Variants in INVS observed in about 807,000 individuals in gnomAD.
The protein encoded by INVS is inversin, also known as inversion of embryo turning homolog.
In INVS, 86 loss-of-function variants were observed where a neutral mutation model predicts 108.8. That is an observed-to-expected ratio of 0.79 (90% CI 0.66 to 0.95). INVS has a LOEUF of 0.95. Ranked by LOEUF, INVS falls within the 40% of genes least tolerant of loss-of-function variation. The pLI, the probability that INVS is intolerant of heterozygous loss-of-function variation, is 0.00. For synonymous variants in INVS, 455 were observed against 473.5 expected (o/e 0.96, Z 0.51); for missense variants, 1,169 against 1,297.4 (o/e 0.90, Z 1.52).
At chr9:100,189,365 G>A (rs949754601) in intron 3 of INVS, among the ~76,000 whole-genome samples, 29 of 148,258 alleles carry the variant, frequency 2.0e-4, no homozygotes, top group Middle Eastern at 3.4e-3. Flanking sequence ...TTTTGATTTA[G>A]GCATTTAGTG....
At position 100,129,740 on chromosome 9, in the gene INVS, G is replaced by A. The variant is rs768242254; in HGVS notation, c.273+3191G>A. On this transcript the variant is annotated intron_variant, in intron 3 of 16. Coordinates refer to ENST00000262457, the MANE Select transcript of INVS (RefSeq NM_014425.5). The stretch of plus-strand genomic sequence containing the variant: ...ACAATCATTCAAAGAAGAGAAACAC[G>A]TAAAGTGAGTACCACATTCATCCTG... The A allele has an allele frequency of 4.4e-5, 31 of 696,984 alleles. 1 individual carries two copies. Among genetic ancestry groups the A allele is most frequent in the South Asian group, 3.9e-4 (25 of 64,396 alleles). The allele number at this position is 696,984 out of a possible 1,614,324, so 43.2% of individuals were successfully genotyped here.
chr9:100,226,242 G>T lies in INVS; in HGVS notation c.447+7G>T, dbSNP rs1340747928. The T allele has an allele frequency of 1.2e-6, 2 of 1,612,332 alleles. No individual in the cohort carries two copies. The highest frequency in any genetic ancestry group is 8.5e-7 in the Non-Finnish European group (1 of 1,178,958). ...TACACAGGATAAAAACAAGGTAATG[G>T]ATACTCAAAATCAAAGACTAATAAG... On this transcript the variant is annotated splice_region_variant and intron_variant, in intron 4 of 16. Transcript: ENST00000262457.
At chr9:100,170,347 A>G (rs1282007136) in intron 3 of INVS, among the ~76,000 whole-genome samples, 7 of 150,904 alleles carry the variant, frequency 4.6e-5, no homozygotes, top group Non-Finnish European at 1.0e-4. Flanking sequence ...AGTTGAGCCC[A>G]GGAGTTTGAG....
intron 2 of INVS, among the ~76,000 whole-genome samples, chr9:100,118,745 C>G (rs1827631897): frequency 6.6e-6 from 1 of 152,074 alleles, no homozygotes. Context: ...ACTGCAACCT[C>G]TGCCTCCCAG....
chr9:100,116,864 T>A, intron 2 of INVS: 1 of 1,265,380 alleles, frequency 7.9e-7, no homozygotes, highest in Non-Finnish European at 1.1e-6. Flanking sequence ...AAATACAATC[T>A]TCCAGAGGTC....
At chr9:100,256,070 T>A (rs765798730) in intron 10 of INVS, among the ~76,000 whole-genome samples, 3 of 152,218 alleles carry the variant, frequency 2.0e-5, no homozygotes, top group Admixed American at 6.5e-5. Context: ...GGTAGGCTAT[T>A]AATTGTTGTC....
intron 1 of INVS, among the ~76,000 whole-genome samples, chr9:100,100,943 T>C: frequency 2.4e-5 from 1 of 41,636 alleles, no homozygotes; most frequent in East Asian, 2.7e-3. Context: ...ATATAATATA[T>C]ATACATATAT....
At chr9:100,239,881 A>T (rs919616434) in intron 5 of INVS, among the ~76,000 whole-genome samples, 179 bp from the exon 6 acceptor site, 1 of 152,126 alleles carries the variant, frequency 6.6e-6, no homozygotes, top group African/African-American at 2.4e-5. Context: ...CTGAGGCAGG[A>T]TTGCTTGAGC....
At chr9:100,139,325 T>C (rs919787370) in intron 3 of INVS, among the ~76,000 whole-genome samples, 1 of 152,218 alleles carries the variant, frequency 6.6e-6, no homozygotes, top group African/African-American at 2.4e-5. Context: ...CATTGTTTTC[T>C]TTATTAACTC....
rs1833960853 is a variant in INVS, at chr9:100,301,184, A to C, written c.*510A>C. On this transcript the variant is annotated 3_prime_UTR_variant, in exon 17 of 17. Transcript: ENST00000262457. ...ACACACACACACACACACACATATCACGTCCCACTATTACTTCAAAATTAA... is the reference window on the plus strand; with the variant it reads ...ACACACACACACACACACACATATCCCGTCCCACTATTACTTCAAAATTAA... Among the ~76,000 whole-genome samples, 1 of 133,900 alleles carries C rather than the reference A, an allele frequency of 7.5e-6. No individual in the cohort carries two copies. Among genetic ancestry groups the C allele is most frequent in the South Asian group, 2.4e-4 (1 of 4,178 alleles). 87.8% of individuals were successfully genotyped at this position (133,900 alleles called of 152,430 possible). A position where few individuals can be genotyped will look rare whatever the true frequency, so the allele number is the denominator to read the frequency against.
At chr9:100,213,746 C>T (rs1191387241) in intron 3 of INVS, among the ~76,000 whole-genome samples, 2 of 152,134 alleles carry the variant, frequency 1.3e-5, no homozygotes, top group Non-Finnish European at 2.9e-5. Context: ...AGGCTGCACA[C>T]AGTGGGTTTT....
Position 100,204,786 on chromosome 9 carries a change from A to G in INVS, c.274-21276A>G, listed in dbSNP as rs139352955. Among the ~76,000 whole-genome samples the G allele has an allele frequency of 4.4e-3, 672 of 152,132 alleles. 7 individuals carry two copies. The highest frequency in any genetic ancestry group is 0.015 in the African/African-American group (639 of 41,510). On this transcript the variant is annotated intron_variant, in intron 3 of 16. Transcript: ENST00000262457. ...TCTTTTTTATATAAAATATTGTACT[A>G]TATATATAAGAAATACCTCAGAATT... is the stretch of plus-strand genomic sequence containing the variant.
chr9:100,192,639 C>A (rs1416016966), intron 3 of INVS, among the ~76,000 whole-genome samples: 1 of 152,104 alleles, frequency 6.6e-6, no homozygotes, highest in East Asian at 1.9e-4. Flanking sequence ...TAATGGTTTT[C>A]CAAAATGTTG....
chr9:100,133,804 CAT>C (rs150221506), intron 3 of INVS, among the ~76,000 whole-genome samples: 13 of 143,512 alleles, frequency 9.1e-5, no homozygotes, highest in Admixed American at 2.0e-4. Context: ...CACACACACA[CAT>C]ACACACATCC....
intron 3 of INVS, among the ~76,000 whole-genome samples, chr9:100,134,834 G>C (rs931026304): frequency 2.0e-5 from 3 of 152,168 alleles, no homozygotes; most frequent in Non-Finnish European, 2.9e-5. Flanking sequence ...TCCTACAATG[G>C]AACACTGCAT....
chr9:100,300,773 T>C lies in INVS; in HGVS notation c.*99T>C, dbSNP rs769911038. On this transcript the variant is annotated 3_prime_UTR_variant, in exon 17 of 17. Transcript: ENST00000262457. ...CTTTTACACCTTGGGAAAACTTTAA[T>C]ATCCGTACCTGAAGGCTGATTCACC... The C allele has an allele frequency of 1.2e-6, 1 of 807,454 alleles. No individual in the cohort carries two copies. Among genetic ancestry groups the C allele is most frequent in the Non-Finnish European group, 2.1e-6 (1 of 475,034 alleles). The allele number at this position is 807,454 out of a possible 1,614,324, so 50.0% of individuals were successfully genotyped here. A position where few individuals can be genotyped will look rare whatever the true frequency, so the allele number is the denominator to read the frequency against.
At chr9:100,229,555 G>C in intron 4 of INVS, 105 bp from the exon 5 acceptor site, 3 of 940,408 alleles carry the variant, frequency 3.2e-6, no homozygotes, top group Admixed American at 1.9e-5. Flanking sequence ...AAAGATACAG[G>C]GCAACTACTG....
At chr9:100,218,793 C>T (rs1831061513) in intron 3 of INVS, among the ~76,000 whole-genome samples, 1 of 152,136 alleles carries the variant, frequency 6.6e-6, no homozygotes, top group African/African-American at 2.4e-5. Flanking sequence ...AAGCAGGACA[C>T]CATCCAAGCC....
At chr9:100,266,981 A>G (rs1362519547) in intron 11 of INVS, among the ~76,000 whole-genome samples, 1 of 140,472 alleles carries the variant, frequency 7.1e-6, no homozygotes, top group African/African-American at 2.6e-5. Context: ...AACTTCCCTC[A>G]TTAGAGGGAG....
Sources: gnomAD v4.1 joint callset for allele counts (sites outside exome capture counted in the v4.1 genomes callset) on GRCh38, gnomAD v4.1.1 for gene constraint, MANE v1.5 for transcripts, NCBI Gene and HGNC (gene_info 2026-07-23, HGNC 2026-07-21) for gene names.